Variants in PLCB1 observed in about 807,000 individuals in gnomAD.
PLCB1 encodes 1-phosphatidylinositol 4,5-bisphosphate phosphodiesterase beta-1.
In PLCB1, 46 loss-of-function variants were observed where a neutral mutation model predicts 161.8. That is an observed-to-expected ratio of 0.28 (90% CI 0.22 to 0.36). The LOEUF is 0.36. Among genes scored for constraint, PLCB1 ranks in the 10% least tolerant of loss-of-function variants. The pLI is 1.00. For missense variants in PLCB1, 1,016 were observed against 1,472.5 expected (o/e 0.69, Z 5.07); for synonymous variants, 517 against 503.7 (o/e 1.03, Z -0.35).
intron 2 of PLCB1, among the ~76,000 whole-genome samples, chr20:8,176,076 C>T (rs2051780264): frequency 6.6e-6 from 1 of 152,168 alleles, no homozygotes; most frequent in Non-Finnish European, 1.5e-5. Context: ...GTTAAACAGT[C>T]TGGCAGTTTC....
At chr20:8,255,330 C>T (rs1981357546) in intron 2 of PLCB1, among the ~76,000 whole-genome samples, 1 of 151,980 alleles carries the variant, frequency 6.6e-6, no homozygotes, top group Non-Finnish European at 1.5e-5. Flanking sequence ...TACACAAACA[C>T]ACAGATACAA....
At chr20:8,364,746 A>T (rs922050894) in intron 2 of PLCB1, among the ~76,000 whole-genome samples, 1 of 152,356 alleles carries the variant, frequency 6.6e-6, no homozygotes, top group South Asian at 2.1e-4. Flanking sequence ...GTGAAACCCC[A>T]TGTCAATTGA....
intron 3 of PLCB1, among the ~76,000 whole-genome samples, chr20:8,396,632 C>T (rs1483823397): frequency 1.3e-5 from 2 of 151,996 alleles, no homozygotes; most frequent in Admixed American, 6.6e-5. Context: ...TTGTCAACAT[C>T]TGATGCTACT....
intron 2 of PLCB1, among the ~76,000 whole-genome samples, chr20:8,258,999 C>A (rs1981563635): frequency 6.6e-6 from 1 of 152,140 alleles, no homozygotes; most frequent in Admixed American, 6.6e-5. Context: ...AGATTTGTTT[C>A]CTTTCCCAAA....
chr20:8,732,364 T>C (rs548962734), intron 18 of PLCB1, among the ~76,000 whole-genome samples: 1 of 151,982 alleles, frequency 6.6e-6, no homozygotes, highest in African/African-American at 2.4e-5. Context: ...AATTTTCCAA[T>C]GAGGACATCA....
intron 3 of PLCB1, among the ~76,000 whole-genome samples, chr20:8,383,879 C>A (rs1034042608): frequency 6.6e-6 from 1 of 152,176 alleles, no homozygotes; most frequent in African/African-American, 2.4e-5. Flanking sequence ...AGGGTTTCTA[C>A]TGAGAGGTCT....
At chr20:8,545,306 A>G (rs1231652510) in intron 3 of PLCB1, among the ~76,000 whole-genome samples, 2 of 152,204 alleles carry the variant, frequency 1.3e-5, no homozygotes, top group African/African-American at 4.8e-5. Flanking sequence ...CACTAGTGTG[A>G]TATGGAAGAG....
At chr20:8,742,985 A>C (rs1394446252) in intron 23 of PLCB1, among the ~76,000 whole-genome samples, 1 of 152,236 alleles carries the variant, frequency 6.6e-6, no homozygotes, top group East Asian at 1.9e-4. Context: ...ATACAAGATC[A>C]TGTTATCTGC....
At chr20:8,808,858 T>G (rs1436794058) in intron 31 of PLCB1, among the ~76,000 whole-genome samples, 1 of 152,232 alleles carries the variant, frequency 6.6e-6, no homozygotes, top group Admixed American at 6.5e-5. Context: ...TTCAGGGATT[T>G]TGTGACCTGG....
chr20:8,489,381 G>A (rs1284359575), intron 3 of PLCB1, among the ~76,000 whole-genome samples: 2 of 152,102 alleles, frequency 1.3e-5, no homozygotes, highest in Non-Finnish European at 2.9e-5. Context: ...TTAAAGGTGA[G>A]TATTGCATAA....
At chr20:8,456,520 G>A (rs1981324315) in intron 3 of PLCB1, among the ~76,000 whole-genome samples, 1 of 151,910 alleles carries the variant, frequency 6.6e-6, no homozygotes, top group Non-Finnish European at 1.5e-5. Context: ...TTTAAAGGGT[G>A]TATTTCCTGC....
intron 2 of PLCB1, among the ~76,000 whole-genome samples, chr20:8,349,054 A>G (rs999055371): frequency 3.3e-5 from 5 of 152,174 alleles, no homozygotes; most frequent in African/African-American, 1.2e-4. Flanking sequence ...AAATATATAC[A>G]TATCTACATA....
chr20:8,218,427 C>T (rs1285786349), intron 2 of PLCB1, among the ~76,000 whole-genome samples: 1 of 152,076 alleles, frequency 6.6e-6, no homozygotes, highest in African/African-American at 2.4e-5. Context: ...CACAGAAAAG[C>T]GTTGATTCTG....
At chr20:8,408,164 AAC>A (rs1250767793) in intron 3 of PLCB1, among the ~76,000 whole-genome samples, 5 of 152,226 alleles carry the variant, frequency 3.3e-5, no homozygotes, top group Admixed American at 3.3e-4. Context: ...CAACAGCAGA[AAC>A]AGTTTCCCCT....
chr20:8,523,496 C>CTCTCTCTCTCTCTATATATATATA lies in PLCB1; in HGVS notation c.247-104797_247-104796insCTCTCTCTCTCTATATATATATAT. Among the ~76,000 whole-genome samples, 30 of 51,630 alleles carry CTCTCTCTCTCTCTATATATATATA rather than the reference C, an allele frequency of 5.8e-4. 1 individual carries two copies. The highest frequency in any genetic ancestry group is 1.6e-3 in the East Asian group (4 of 2,524). 33.9% of individuals were successfully genotyped at this position (51,630 alleles called of 152,430 possible). ...TCTCTCTCTCTCTCTCTCTCTCTCTCTATATATATATATATATATATATAT... is the reference window on the plus strand; with the variant it reads ...TCTCTCTCTCTCTCTCTCTCTCTCTCTCTCTCTCTCTCTATATATATATATATATATATATATATATATATATAT... On this transcript the variant is annotated intron_variant, in intron 3 of 31. Transcript: ENST00000338037.
chr20:8,445,240 G>T (rs1980766806), intron 3 of PLCB1, among the ~76,000 whole-genome samples: 1 of 152,190 alleles, frequency 6.6e-6, no homozygotes, highest in Admixed American at 6.5e-5. Context: ...GTAAGGAAGG[G>T]ATCCAGTTTC....
chr20:8,374,650 A>T (rs1470326892), intron 3 of PLCB1, among the ~76,000 whole-genome samples: 1 of 152,146 alleles, frequency 6.6e-6, no homozygotes, highest in Non-Finnish European at 1.5e-5. Context: ...TAGACCATTG[A>T]GTTGGTTAGA....
At chr20:8,672,177 G>T (rs1193846033) in intron 9 of PLCB1, among the ~76,000 whole-genome samples, 1 of 152,006 alleles carries the variant, frequency 6.6e-6, no homozygotes, top group Non-Finnish European at 1.5e-5. Flanking sequence ...CCTTATCTTT[G>T]CTTGGGCACA....
chr20:8,821,202 C>T (rs1052099760), intron 31 of PLCB1, among the ~76,000 whole-genome samples: 4 of 151,418 alleles, frequency 2.6e-5, no homozygotes, highest in East Asian at 1.9e-4. Context: ...TATTTAAGGC[C>T]GGGTGCGGTG....
Sources: allele counts gnomAD v4.1 joint callset (sites outside exome capture counted in the v4.1 genomes callset), GRCh38; gene constraint gnomAD v4.1.1; transcripts MANE v1.5; gene names NCBI Gene and HGNC (gene_info 2026-07-23, HGNC 2026-07-21).